The following ADAMTS16 variants were observed in gnomAD, a reference collection of about 807,000 sequenced individuals.
The protein encoded by ADAMTS16 is A disintegrin and metalloproteinase with thrombospondin motifs 16.
In ADAMTS16, 94 loss-of-function variants were observed where a neutral mutation model predicts 145.8. The observed-to-expected ratio is 0.64, with a 90% CI of 0.55 to 0.77. The LOEUF (loss-of-function observed/expected upper bound fraction) is 0.77. Among genes scored for constraint, ADAMTS16 ranks in the 30% least tolerant of loss-of-function variants. ADAMTS16 has a pLI of 0.00. For synonymous variants in ADAMTS16, 659 were observed against 604.3 expected, an observed-to-expected ratio of 1.09 and a Z score of -1.33; for missense variants, 1,585 against 1,591.5, an observed-to-expected ratio of 1.00 and a Z score of 0.07.
At chr5:5,209,508 G>A (rs1377272437) in intron 10 of ADAMTS16, among the ~76,000 whole-genome samples, 1 of 152,102 alleles carries the variant, frequency 6.6e-6, no homozygotes, top group East Asian at 1.9e-4. Context: ...TATCGTGTGG[G>A]AGCTCAGCAA....
At position 5,239,085 on chromosome 5, in the gene ADAMTS16, T is replaced by A. The variant is rs1231633720; in HGVS notation, c.2155-66T>A. The A allele has an allele frequency of 2.9e-6, 4 of 1,384,080 alleles. No individual in the cohort carries two copies. The Admixed American group carries it at 8.4e-5, about 29-fold the overall frequency. 85.7% of individuals were successfully genotyped at this position (1,384,080 alleles called of 1,614,324 possible). A position where few individuals can be genotyped will look rare whatever the true frequency, so the allele number is the denominator to read the frequency against. ...TGGGGAGGAGGTTTCTTGCATGAGA[T>A]TGGTGACAGTATTGCTGTGTTGTCC... On this transcript the variant is annotated intron_variant, in intron 14 of 22. Transcript: ENST00000274181.
intron 10 of ADAMTS16, among the ~76,000 whole-genome samples, chr5:5,217,736 A>G (rs543101282): frequency 6.6e-6 from 1 of 152,350 alleles, no homozygotes; most frequent in South Asian, 2.1e-4. Flanking sequence ...AAAAAGAGAG[A>G]GGCTTCATTA....
chr5:5,261,202 G>T (rs2126428813), intron 17 of ADAMTS16, among the ~76,000 whole-genome samples: 1 of 151,766 alleles, frequency 6.6e-6, no homozygotes, highest in African/African-American at 2.4e-5. Context: ...GCAGTGAAGT[G>T]CCATTTCGTC....
intron 3 of ADAMTS16, among the ~76,000 whole-genome samples, chr5:5,180,784 G>T (rs1360500273): frequency 6.6e-6 from 1 of 152,056 alleles, no homozygotes; most frequent in Admixed American, 6.5e-5. Context: ...ATTTCCTGGC[G>T]AGCTGACCTT....
In ADAMTS16 at chr5:5,243,674, G is replaced by A. The variant is rs114413317; in HGVS notation, c.2662+1483G>A. On this transcript the variant is annotated intron_variant, in intron 17 of 22. Transcript: ENST00000274181. ...AGTATGAATTTTTGAACTCTTTCTT[G>A]TACATTTTCATTTGGTAAAAAATGT... Among the ~76,000 whole-genome samples the A allele has an allele frequency of 1.9e-3, 292 of 152,282 alleles. 1 individual carries two copies. Among genetic ancestry groups the A allele is most frequent in the African/African-American group, 6.6e-3 (273 of 41,550 alleles).
At chr5:5,278,894 A>T (rs573478733) in intron 18 of ADAMTS16, among the ~76,000 whole-genome samples, 4 of 152,286 alleles carry the variant, frequency 2.6e-5, no homozygotes, top group Admixed American at 2.6e-4. Context: ...AAAAAGGGGG[A>T]AAAAACCAAT....
chr5:5,239,810 T>C lies in ADAMTS16; in HGVS notation c.2408T>C (p.Val803Ala). Residue 803 changes from valine (V) to alanine (A), a missense_variant, in exon 16 of 23, where the codon GTG becomes GCG. Coordinates refer to ENST00000274181, the MANE Select transcript of ADAMTS16 (RefSeq NM_139056.4). ...TACTACCTGAATGGGCACTGGACCG[T>C]GGACTGGCCCGGCCGGTACAAATTT... ...RRYYLNGHWT[V>A]DWPGRYKFSG... The C allele has an allele frequency of 6.2e-7, 1 of 1,614,142 alleles. No homozygotes were observed. The highest frequency in any genetic ancestry group is 8.5e-7 in the Non-Finnish European group (1 of 1,180,024).
In ADAMTS16 at chr5:5,232,429, A is replaced by T. The variant is rs1194554606; in HGVS notation, c.1763A>T (p.His588Leu). ...GDEGPKPTHGHWSDWSSWSPC... is the reference protein window; with the variant it reads ...GDEGPKPTHGLWSDWSSWSPC... ...GAAGGCCCCAAGCCCACCCATGGCC[A>T]CTGGTCGGACTGGTCTTCTTGGTCC... The change falls in exon 12 of 23, where the codon CAC (histidine) becomes CTC (leucine). Residue 588 changes from histidine to leucine, a missense_variant. His to Leu is a moderately conservative substitution (Grantham distance 99). This residue lies in a region of ADAMTS16 where 298 missense variants were observed against 367.6 expected (regional missense o/e 0.81). Transcript: ENST00000274181. The T allele has an allele frequency of 6.2e-7, 1 of 1,614,030 alleles. No homozygotes were observed.
At chr5:5,207,780 G>T (rs1425874929) in intron 9 of ADAMTS16, among the ~76,000 whole-genome samples, 2 of 150,884 alleles carry the variant, frequency 1.3e-5, no homozygotes, top group African/African-American at 4.9e-5. Context: ...CTGTTGATAT[G>T]ATCGTGTGGT....
At chr5:5,181,905 C>T in intron 3 of ADAMTS16, 139 bp from the exon 4 acceptor site, 1 of 991,242 alleles carries the variant, frequency 1.0e-6, no homozygotes, top group South Asian at 1.7e-5. Flanking sequence ...GGTTTTTGAA[C>T]CTTTCCAATG....
intron 4 of ADAMTS16, among the ~76,000 whole-genome samples, chr5:5,184,062 G>A (rs1317276655): frequency 3.3e-5 from 5 of 152,168 alleles, no homozygotes; most frequent in African/African-American, 4.8e-5. Flanking sequence ...CCTGGGCCTC[G>A]AGTGGCCAGG....
chr5:5,193,728 A>C (rs372395446), intron 8 of ADAMTS16, among the ~76,000 whole-genome samples: 2 of 152,170 alleles, frequency 1.3e-5, no homozygotes, highest in East Asian at 1.9e-4. Context: ...TTCCTCACTC[A>C]AATTGGGTGT....
intron 10 of ADAMTS16, 79 bp downstream of exon 10, chr5:5,209,325 T>C: frequency 6.5e-7 from 1 of 1,530,182 alleles, no homozygotes; most frequent in Non-Finnish European, 8.9e-7. Flanking sequence ...GTTGATATAT[T>C]CTGCATTTAT....
At chr5:5,142,457 T>C (rs985948013) in intron 2 of ADAMTS16, 1 of 152,264 alleles carries the variant, frequency 6.6e-6, no homozygotes, top group Admixed American at 6.5e-5. Context: ...TTCTATGCAC[T>C]TTAGCTCCTT....
In ADAMTS16 at chr5:5,200,269, G is replaced by C. The variant is rs1735920645; in HGVS notation, c.1451G>C (p.Ser484Thr). 6.2e-7 allele frequency: 1 copy of C among 1,613,812 alleles called. No individual in the cohort carries two copies. Among genetic ancestry groups the C allele is most frequent in the Non-Finnish European group, 8.5e-7 (1 of 1,179,914 alleles). The change falls in exon 9 of 23, where the codon AGC (serine) becomes ACC (threonine). Residue 484 changes from serine to threonine, a missense_variant and splice_region_variant. By Grantham distance (58) the Ser-to-Thr change is moderately conservative (BLOSUM62 1). Transcript: ENST00000274181. The stretch of plus-strand genomic sequence containing the variant: ...CGCCAGTATCTACACAAATTTCTAA[G>C]GTAGGAACTCTTTAAGCTGGTCTTG... ...CSRQYLHKFL[S>T]TAQAICLADQ...
At chr5:5,185,250 A>G (rs1735465753) in intron 4 of ADAMTS16, among the ~76,000 whole-genome samples, 1 of 152,228 alleles carries the variant, frequency 6.6e-6, no homozygotes, top group Admixed American at 6.5e-5. Context: ...ATCTGCTTAC[A>G]GTATGCTCCG....
intron 2 of ADAMTS16, among the ~76,000 whole-genome samples, chr5:5,145,410 T>A (rs1385680255): frequency 3.3e-5 from 5 of 152,218 alleles, no homozygotes; most frequent in Admixed American, 1.3e-4. Context: ...CTGCTGCGTA[T>A]CTCTGTGCAC....
At chr5:5,313,955 C>T (rs1238300166) in intron 21 of ADAMTS16, among the ~76,000 whole-genome samples, 1 of 152,222 alleles carries the variant, frequency 6.6e-6, no homozygotes, top group Non-Finnish European at 1.5e-5. Flanking sequence ...CCCAGAAAAA[C>T]AAGAACCGGC....
At chr5:5,237,625 G>A (rs1240525470) in intron 14 of ADAMTS16, among the ~76,000 whole-genome samples, 2 of 152,156 alleles carry the variant, frequency 1.3e-5, no homozygotes, top group Non-Finnish European at 2.9e-5. Context: ...CATTGAGTCT[G>A]GGAACAGTGG....
Sources: gnomAD v4.1 joint callset for allele counts (sites outside exome capture counted in the v4.1 genomes callset) on GRCh38, gnomAD v4.1.1 for gene constraint, gnomAD v4.1.1 regional missense constraint, MANE v1.5 for transcripts, NCBI Gene and HGNC (gene_info 2026-07-23, HGNC 2026-07-21) for gene names.